Variants in RPH3A observed in about 807,000 individuals in gnomAD.
The protein encoded by RPH3A is rabphilin 3A.
Under a neutral mutation model 102.2 loss-of-function variants are expected in RPH3A, and 48 were observed. That is an observed-to-expected ratio of 0.47 (90% CI 0.37 to 0.60). RPH3A has a LOEUF of 0.60. Among genes scored for constraint, RPH3A ranks in the 20% least tolerant of loss-of-function variants. RPH3A has a pLI of 0.00. For synonymous variants in RPH3A, 310 were observed against 324.3 expected, an observed-to-expected ratio of 0.96 and a Z score of 0.47; for missense variants, 781 against 910.1, an observed-to-expected ratio of 0.86 and a Z score of 1.83.
chr12:112,680,037 G>A, intron 1 of RPH3A, among the ~76,000 whole-genome samples: 1 of 152,336 alleles, frequency 6.6e-6, no homozygotes, highest in Admixed American at 6.5e-5. Flanking sequence ...AGGGAAGTAT[G>A]TTCCAGGCAG....
chr12:112,872,417 G>C (rs2042724116), intron 10 of RPH3A, among the ~76,000 whole-genome samples: 1 of 152,076 alleles, frequency 6.6e-6, no homozygotes, highest in East Asian at 1.9e-4. Flanking sequence ...TTGTTGTTGA[G>C]TCATAGAAGT....
At chr12:112,604,940 T>C (rs1290319426) in intron 1 of RPH3A, among the ~76,000 whole-genome samples, 2 of 152,226 alleles carry the variant, frequency 1.3e-5, no homozygotes, top group African/African-American at 2.4e-5. Context: ...AAACCTTCCG[T>C]GACCTAGCGT....
intron 1 of RPH3A, among the ~76,000 whole-genome samples, chr12:112,771,278 T>C (rs960365443): frequency 6.6e-6 from 1 of 152,256 alleles, no homozygotes; most frequent in Non-Finnish European, 1.5e-5. Context: ...GATAGTATGA[T>C]AAATCCCTCT....
In RPH3A at chr12:112,809,633, C is replaced by T. The variant is rs112308369; in HGVS notation, c.-19+17370C>T. On this transcript the variant is annotated intron_variant, in intron 2 of 21. Coordinates refer to ENST00000389385, the MANE Select transcript of RPH3A (RefSeq NM_001143854.2). ...TGCATGCCTCATTTCATCCCCTTCT[C>T]CCACTAGCCCTGGGAAGAGAGTACA... 1.2e-4 allele frequency among the ~76,000 whole-genome samples: 19 copies of T among 152,256 alleles called. 1 individual carries two copies. Among genetic ancestry groups the T allele is most frequent in the African/African-American group, 3.9e-4 (16 of 41,534 alleles).
chr12:112,674,186 T>G (rs1204789152), intron 1 of RPH3A, among the ~76,000 whole-genome samples: 1 of 152,152 alleles, frequency 6.6e-6, no homozygotes, highest in East Asian at 1.9e-4. Flanking sequence ...GCCTCCTGAG[T>G]AGCTGGGATT....
At chr12:112,732,003 G>T (rs767518925) in intron 1 of RPH3A, among the ~76,000 whole-genome samples, 1 of 152,164 alleles carries the variant, frequency 6.6e-6, no homozygotes, top group Non-Finnish European at 1.5e-5. Flanking sequence ...TTCCAGCTTC[G>T]ATCAGATAAC....
chr12:112,785,976 T>C (rs1185424007), intron 1 of RPH3A, among the ~76,000 whole-genome samples: 1 of 151,792 alleles, frequency 6.6e-6, no homozygotes, highest in Non-Finnish European at 1.5e-5. Context: ...AACTCATTGC[T>C]ATTCATTAGC....
chr12:112,835,406 G>T (rs1449900293), intron 3 of RPH3A, among the ~76,000 whole-genome samples: 2 of 152,144 alleles, frequency 1.3e-5, no homozygotes, highest in African/African-American at 4.8e-5. Context: ...CCATCCATCA[G>T]AGTTTACTTT....
chr12:112,710,101 A>G (rs984522688), intron 1 of RPH3A, among the ~76,000 whole-genome samples: 26 of 151,860 alleles, frequency 1.7e-4, no homozygotes, highest in African/African-American at 6.3e-4. Context: ...CAGCCTCCCG[A>G]GTAGCTGGGA....
At chr12:112,728,951 T>G (rs2040614408) in intron 1 of RPH3A, among the ~76,000 whole-genome samples, 1 of 152,170 alleles carries the variant, frequency 6.6e-6, no homozygotes, top group Non-Finnish European at 1.5e-5. Context: ...CCTTTTTGTC[T>G]TTTTATGGCT....
intron 1 of RPH3A, among the ~76,000 whole-genome samples, chr12:112,767,511 C>T (rs1184527509): frequency 2.0e-5 from 3 of 152,140 alleles, no homozygotes; most frequent in Non-Finnish European, 4.4e-5. Context: ...TCAGGGCCTC[C>T]GTTTCCCCAG....
At chr12:112,792,920 T>A (rs560812387) in intron 2 of RPH3A, among the ~76,000 whole-genome samples, 7 of 152,198 alleles carry the variant, frequency 4.6e-5, no homozygotes, top group African/African-American at 1.7e-4. Flanking sequence ...GCAGAGGAGA[T>A]GATGTTTTAT....
intron 7 of RPH3A, chr12:112,868,210 C>T (rs2136224282): frequency 4.0e-6 from 2 of 498,592 alleles, no homozygotes; most frequent in South Asian, 4.4e-5. Flanking sequence ...CCAAACTCCA[C>T]TTTCTTCATG....
intron 2 of RPH3A, among the ~76,000 whole-genome samples, chr12:112,827,326 G>C (rs554350409): frequency 6.6e-6 from 1 of 152,212 alleles, no homozygotes; most frequent in Admixed American, 6.5e-5. Context: ...TTTGTGTCTG[G>C]CTTCTTTCAG....
At chr12:112,630,098 A>G (rs2039793495) in intron 1 of RPH3A, among the ~76,000 whole-genome samples, 1 of 152,024 alleles carries the variant, frequency 6.6e-6, no homozygotes, top group Non-Finnish European at 1.5e-5. Context: ...CTGTCCATCT[A>G]TCTGCCTAAC....
At chr12:112,859,755 G>T (rs116139450) in intron 5 of RPH3A, among the ~76,000 whole-genome samples, 1 of 152,122 alleles carries the variant, frequency 6.6e-6, no homozygotes, top group African/African-American at 2.4e-5. Context: ...ACAGGGAGCC[G>T]CTTTAAAATG....
At chr12:112,725,358 T>A (rs1471507754) in intron 1 of RPH3A, among the ~76,000 whole-genome samples, 2 of 151,658 alleles carry the variant, frequency 1.3e-5, no homozygotes, top group African/African-American at 2.4e-5. Flanking sequence ...CTTCCCTGAC[T>A]TCTTGAGAAA....
chr12:112,789,310 G>A (rs574990879), upstream of RPH3A, among the ~76,000 whole-genome samples: 16 of 152,220 alleles, frequency 1.1e-4, no homozygotes, highest in Admixed American at 2.0e-4. Context: ...GTCAATTCTC[G>A]TCTCTGGTCC....
chr12:112,611,507 C>T (rs1217178735), intron 1 of RPH3A, among the ~76,000 whole-genome samples: 1 of 152,100 alleles, frequency 6.6e-6, no homozygotes, highest in Non-Finnish European at 1.5e-5. Context: ...GGCACAATCT[C>T]GGCCCACTGC....
Sources: gnomAD v4.1 joint callset for allele counts (sites outside exome capture counted in the v4.1 genomes callset) on GRCh38, gnomAD v4.1.1 for gene constraint, MANE v1.5 for transcripts, NCBI Gene and HGNC (gene_info 2026-07-23, HGNC 2026-07-21) for gene names.